RIT2: variants seen among roughly 807,000 people sequenced by gnomAD.
RIT2 encodes GTP-binding protein Rit2.
In RIT2, 24 loss-of-function variants were observed where a neutral mutation model predicts 23.7. That is an observed-to-expected ratio of 1.01 (90% CI 0.73 to 1.43). RIT2 has a LOEUF of 1.43. Among genes scored for constraint, RIT2 ranks in the 40% most tolerant of loss-of-function variants. The pLI, the probability that RIT2 is intolerant of heterozygous loss-of-function variation, is 0.00. For missense variants in RIT2, 236 were observed against 266.9 expected, an observed-to-expected ratio of 0.88 and a Z score of 0.81; for synonymous variants, 107 against 91.1, an observed-to-expected ratio of 1.17 and a Z score of -0.99.
At chr18:42,877,073 C>A (rs1277253370) in intron 4 of RIT2, among the ~76,000 whole-genome samples, 1 of 151,752 alleles carries the variant, frequency 6.6e-6, no homozygotes, top group Non-Finnish European at 1.5e-5. Context: ...TTACCTTCCA[C>A]TACCCTTGAG....
intron 4 of RIT2, among the ~76,000 whole-genome samples, chr18:42,858,798 A>C (rs1386355244): frequency 6.6e-6 from 1 of 152,184 alleles, no homozygotes; most frequent in East Asian, 1.9e-4. Context: ...TATAACTGGA[A>C]TCATAATATG....
intron 4 of RIT2, among the ~76,000 whole-genome samples, chr18:42,744,455 A>C (rs1912871929): frequency 6.6e-6 from 1 of 152,346 alleles, no homozygotes; most frequent in Non-Finnish European, 1.5e-5. Flanking sequence ...TCAGCTCTCC[A>C]GAATTCAAAA....
chr18:43,052,695 A>C (rs1912411273), intron 1 of RIT2, among the ~76,000 whole-genome samples: 1 of 152,048 alleles, frequency 6.6e-6, no homozygotes, highest in South Asian at 2.1e-4. Flanking sequence ...TAAACTCATA[A>C]CATTTAGCTC....
At chr18:42,883,089 T>C (rs1221897949) in intron 4 of RIT2, among the ~76,000 whole-genome samples, 1 of 152,128 alleles carries the variant, frequency 6.6e-6, no homozygotes, top group East Asian at 1.9e-4. Context: ...CTCTTTTGAA[T>C]TGCAAATAAA....
chr18:42,761,048 GCAAT>G (rs1339438383), intron 4 of RIT2, among the ~76,000 whole-genome samples: 1 of 152,176 alleles, frequency 6.6e-6, no homozygotes, highest in Non-Finnish European at 1.5e-5. Flanking sequence ...ATTTGCAAAA[GCAAT>G]CACAGTTATG....
At chr18:42,943,574 TA>T (rs1909656240) in intron 3 of RIT2, among the ~76,000 whole-genome samples, 1 of 152,170 alleles carries the variant, frequency 6.6e-6, no homozygotes, top group South Asian at 2.1e-4. Flanking sequence ...ATGTTTTTAT[TA>T]ATCTTTCCTA....
At chr18:43,072,538 A>T (rs1464725644) in intron 1 of RIT2, among the ~76,000 whole-genome samples, 1 of 152,188 alleles carries the variant, frequency 6.6e-6, no homozygotes, top group Non-Finnish European at 1.5e-5. Context: ...TACACCTGTA[A>T]TGTTTCAGTG....
intron 1 of RIT2, among the ~76,000 whole-genome samples, chr18:43,108,183 A>G (rs1913874327): frequency 6.6e-6 from 1 of 152,078 alleles, no homozygotes. Context: ...TCAAAAAAAA[A>G]AAAAATGCAG....
chr18:42,968,157 T>C (rs1444233550), intron 3 of RIT2, among the ~76,000 whole-genome samples: 1 of 152,156 alleles, frequency 6.6e-6, no homozygotes, highest in East Asian at 1.9e-4. Context: ...TTGTTCAGAA[T>C]AGTGACTGGC....
At chr18:42,761,150 T>C (rs1235989919) in intron 4 of RIT2, among the ~76,000 whole-genome samples, 4 of 152,238 alleles carry the variant, frequency 2.6e-5, no homozygotes, top group African/African-American at 9.6e-5. Context: ...TTTTCCCATA[T>C]GTTTCTTCTG....
intron 3 of RIT2, among the ~76,000 whole-genome samples, chr18:42,945,676 A>G (rs1909712215): frequency 6.6e-6 from 1 of 152,084 alleles, no homozygotes; most frequent in Non-Finnish European, 1.5e-5. Context: ...GGTCTTTTTT[A>G]AATTTCTGTT....
chr18:42,923,316 C>A, intron 4 of RIT2: 1 of 368,926 alleles, frequency 2.7e-6, no homozygotes, highest in Non-Finnish European at 4.9e-6. Context: ...AGAATCATTT[C>A]TACTGTATTC....
intron 4 of RIT2, among the ~76,000 whole-genome samples, chr18:42,881,506 T>A (rs574766604): frequency 6.6e-6 from 1 of 152,342 alleles, no homozygotes; most frequent in Admixed American, 6.5e-5. Flanking sequence ...CTCTTCATGA[T>A]CCTGCATCTT....
intron 4 of RIT2, among the ~76,000 whole-genome samples, chr18:42,890,223 G>A (rs971467838): frequency 1.3e-5 from 2 of 151,746 alleles, no homozygotes; most frequent in Non-Finnish European, 2.9e-5. Flanking sequence ...CTTTATGGAG[G>A]ATAAAACATG....
chr18:42,886,870 T>C (rs1297587967), intron 4 of RIT2, among the ~76,000 whole-genome samples: 3 of 152,114 alleles, frequency 2.0e-5, no homozygotes, highest in Non-Finnish European at 4.4e-5. Flanking sequence ...TCTAGAAAAC[T>C]CATAACAGAG....
intron 4 of RIT2, among the ~76,000 whole-genome samples, chr18:42,842,146 G>A (rs949412604): frequency 2.6e-5 from 4 of 152,152 alleles, no homozygotes; most frequent in Non-Finnish European, 2.9e-5. Context: ...TTCCTTTAAT[G>A]TCTTTGCCAG....
chr18:42,862,575 A>G (rs1907357760), intron 4 of RIT2, among the ~76,000 whole-genome samples: 2 of 152,212 alleles, frequency 1.3e-5, no homozygotes, highest in African/African-American at 2.4e-5. Context: ...AAAAGCAGAA[A>G]TCAATAATTT....
chr18:42,779,851 G>T (rs188307386), intron 4 of RIT2, among the ~76,000 whole-genome samples: 1 of 152,194 alleles, frequency 6.6e-6, no homozygotes, highest in Non-Finnish European at 1.5e-5. Context: ...GCCACTAACT[G>T]CTCTGTGACC....
chr18:43,042,999 TA>T (rs1568064817), intron 1 of RIT2, among the ~76,000 whole-genome samples: 1 of 152,156 alleles, frequency 6.6e-6, no homozygotes, highest in African/African-American at 2.4e-5. Flanking sequence ...ATATAGTTTA[TA>T]AAAAAGATAA....
Sources: gnomAD v4.1 joint callset for allele counts (sites outside exome capture counted in the v4.1 genomes callset) on GRCh38, gnomAD v4.1.1 for gene constraint, MANE v1.5 for transcripts, NCBI Gene and HGNC (gene_info 2026-07-23, HGNC 2026-07-21) for gene names.